Variants in BCAR1 observed in about 807,000 individuals in gnomAD.
BCAR1 encodes the protein breast cancer anti-estrogen resistance protein 1.
BCAR1 carries 30 observed loss-of-function variants against 67.6 expected under a neutral mutation model. That is an observed-to-expected ratio of 0.44 (90% CI 0.33 to 0.60). The LOEUF (loss-of-function observed/expected upper bound fraction) is 0.60, where lower values mean the gene tolerates loss of function less well. Among genes scored for constraint, BCAR1 ranks in the 20% least tolerant of loss-of-function variants. The pLI is 0.02. For synonymous variants in BCAR1, 626 were observed against 556.7 expected, an observed-to-expected ratio of 1.12 and a Z score of -1.75; for missense variants, 1,313 against 1,222.3, an observed-to-expected ratio of 1.07 and a Z score of -1.11.
In BCAR1 at chr16:75,235,449, C is replaced by A; in HGVS notation, c.1450G>T (p.Ala484Ser). The A allele has an allele frequency of 6.2e-7, 1 of 1,607,342 alleles. No homozygotes were observed. The change falls in exon 5 of 7, where the codon GCC becomes TCC. Residue 484 changes from alanine to serine, a missense_variant. Physicochemically the swap from Ala to Ser is moderately conservative, Grantham distance 99. This residue lies in a region of BCAR1 where 1,272 missense variants were observed against 1,137.5 expected (regional missense o/e 1.12). Coordinates refer to ENST00000162330, the MANE Select transcript of BCAR1 (RefSeq NM_014567.5). ...VAHLLDLAGS[A>S]GATGSWRSPS... ...CTACGCCAGCTCCCAGTCGCACCGG[C>A]GCTGCCTGCCAGGTCCAGAAGGTGG...
At chr16:75,234,414 C>T (rs1037561522) in intron 5 of BCAR1, among the ~76,000 whole-genome samples, 3 of 152,168 alleles carry the variant, frequency 2.0e-5, no homozygotes, top group Non-Finnish European at 4.4e-5. Context: ...CACACCCAAT[C>T]CCTCCCCCTT....
chr16:75,263,810 C>T (rs1328997446), intron 1 of BCAR1: 5 of 987,996 alleles, frequency 5.1e-6, no homozygotes, highest in Non-Finnish European at 6.0e-6. Flanking sequence ...CTTGAGCAGG[C>T]AGCTCAGTCT....
chr16:75,243,150 C>T, intron 1 of BCAR1, 60 bp from the exon 2 acceptor site: 8 of 1,505,694 alleles, frequency 5.3e-6, no homozygotes, highest in Non-Finnish European at 7.2e-6. Flanking sequence ...TCAGGGGCTC[C>T]CCAGCTCCTG....
At chr16:75,258,575 G>A (rs373675034) in intron 1 of BCAR1, among the ~76,000 whole-genome samples, 42 of 152,252 alleles carry the variant, frequency 2.8e-4, no homozygotes, top group African/African-American at 9.9e-4. Context: ...AGACAGCAGA[G>A]GGATGGGGGA....
intron 2 of BCAR1, among the ~76,000 whole-genome samples, chr16:75,240,758 T>C (rs769930243): frequency 4.3e-4 from 66 of 152,252 alleles, no homozygotes; most frequent in Non-Finnish European, 5.3e-4. Context: ...AGGGCTCTCC[T>C]TCCTGGGCCA....
chr16:75,233,790 G>A, intron 6 of BCAR1, 56 bp downstream of exon 6: 2 of 1,522,010 alleles, frequency 1.3e-6, no homozygotes, highest in African/African-American at 1.4e-5. Context: ...GGCAAGAGCT[G>A]GGGGCTCAGG....
intron 1 of BCAR1, among the ~76,000 whole-genome samples, chr16:75,267,393 C>CGGGGGG (rs1491292014): frequency 1.9e-4 from 5 of 25,758 alleles, no homozygotes; most frequent in African/African-American, 4.6e-4. Flanking sequence ...CCACAGCAAG[C>CGGGGGG]CGGGGGGGGG....
At chr16:75,250,564 G>C (rs1367639973) in intron 1 of BCAR1, 3 of 882,490 alleles carry the variant, frequency 3.4e-6, no homozygotes, top group Non-Finnish European at 4.1e-6. Context: ...TGGTAGAAAA[G>C]GAGCTGCTGT....
chr16:75,250,982 C>A (rs1478027685), intron 1 of BCAR1: 2 of 985,886 alleles, frequency 2.0e-6, no homozygotes, highest in Admixed American at 6.1e-5. Context: ...CGCAGCCTTC[C>A]CCGCTGGCGC....
chr16:75,253,970 AT>A (rs34459394), upstream of BCAR1, among the ~76,000 whole-genome samples: 234 of 147,792 alleles, frequency 1.6e-3, 1 homozygote, highest in African/African-American at 4.1e-3. Flanking sequence ...GTTAGCCCCA[AT>A]TTTTTTTTTT....
intron 1 of BCAR1, chr16:75,263,585 C>A (rs1487050972): frequency 2.0e-6 from 2 of 985,490 alleles, no homozygotes; most frequent in East Asian, 2.3e-4. Context: ...CATCTCCCCT[C>A]CCCCAACACT....
intron 3 of BCAR1, 41 bp from the exon 4 acceptor site, chr16:75,237,039 C>T: frequency 6.5e-7 from 1 of 1,544,892 alleles, no homozygotes; most frequent in Non-Finnish European, 8.8e-7. Context: ...GCCAGGGCCA[C>T]TTGGGGGAAT....
chr16:75,253,826 C>A (rs995351378), upstream of BCAR1, among the ~76,000 whole-genome samples: 2 of 152,186 alleles, frequency 1.3e-5, no homozygotes, highest in Non-Finnish European at 2.9e-5. Context: ...AGTCCAGCCT[C>A]CCGGACCTCC....
intron 2 of BCAR1, 29 bp from the exon 3 acceptor site, chr16:75,237,373 G>A (rs1417528492): frequency 1.4e-6 from 2 of 1,441,898 alleles, no homozygotes; most frequent in Admixed American, 6.1e-5. Flanking sequence ...CTTCACTGCT[G>A]CCCTCAAACC....
chr16:75,266,829 T>C, intron 1 of BCAR1: 1 of 1,306,816 alleles, frequency 7.7e-7, no homozygotes, highest in Non-Finnish European at 9.9e-7. Context: ...AGGTCAGCGC[T>C]GCCCACCCCA....
At chr16:75,241,415 G>A (rs1366235049) in intron 2 of BCAR1, among the ~76,000 whole-genome samples, 6 of 152,128 alleles carry the variant, frequency 3.9e-5, no homozygotes, top group Admixed American at 2.0e-4. Flanking sequence ...CCTGGACTGT[G>A]GCCTGAGGCT....
At chr16:75,230,253 G>C (rs75688470) in intron 6 of BCAR1, among the ~76,000 whole-genome samples, 2 of 152,238 alleles carry the variant, frequency 1.3e-5, no homozygotes, top group East Asian at 3.9e-4. Flanking sequence ...GTCAGACTCC[G>C]TGCCCTGAAC....
At chr16:75,248,019 T>G in intron 1 of BCAR1, 1 of 1,266,858 alleles carries the variant, frequency 7.9e-7, no homozygotes, top group Non-Finnish European at 1.1e-6. Context: ...ACCAGCTCAT[T>G]TAACCCTCAA....
intron 1 of BCAR1, among the ~76,000 whole-genome samples, chr16:75,260,062 TG>T (rs2077869014): frequency 6.7e-6 from 1 of 149,376 alleles, no homozygotes; most frequent in African/African-American, 2.5e-5. Context: ...GGAATAGTGG[TG>T]GGCACCTATA....
Sources: gnomAD v4.1 joint callset for allele counts (sites outside exome capture counted in the v4.1 genomes callset) on GRCh38, gnomAD v4.1.1 for gene constraint, gnomAD v4.1.1 regional missense constraint, MANE v1.5 for transcripts, NCBI Gene and HGNC (gene_info 2026-07-23, HGNC 2026-07-21) for gene names.